The following RAI14 variants were observed in gnomAD, a reference collection of about 807,000 sequenced individuals.
The protein encoded by RAI14 is ankycorbin.
Under a neutral mutation model 115.4 loss-of-function variants are expected in RAI14, and 45 were observed. That is an observed-to-expected ratio of 0.39 (90% CI 0.31 to 0.50). The LOEUF (loss-of-function observed/expected upper bound fraction) is 0.50. Among genes scored for constraint, RAI14 ranks in the 20% least tolerant of loss-of-function variants. The pLI, the probability that RAI14 is intolerant of heterozygous loss-of-function variation, is 0.85. For synonymous variants in RAI14, 371 were observed against 415.4 expected, an observed-to-expected ratio of 0.89 and a Z score of 1.30; for missense variants, 939 against 1,131.2, an observed-to-expected ratio of 0.83 and a Z score of 2.44.
chr5:34,746,103 C>CCCTTTTTTTT (rs1561303365), intron 2 of RAI14, among the ~76,000 whole-genome samples: 1 of 108,990 alleles, frequency 9.2e-6, no homozygotes, highest in Non-Finnish European at 1.9e-5. Flanking sequence ...CCCCCCCCGC[C>CCCTTTTTTTT]TTTTTTTTTT....
intron 7 of RAI14, among the ~76,000 whole-genome samples, chr5:34,809,279 G>T (rs976576562): frequency 1.3e-5 from 2 of 152,142 alleles, no homozygotes; most frequent in African/African-American, 4.8e-5. Flanking sequence ...GGAAACAAAA[G>T]ACATCATTCT....
intron 2 of RAI14, among the ~76,000 whole-genome samples, chr5:34,756,643 T>C (rs78181535): frequency 0.13 from 20,128 of 152,148 alleles, 1,369 homozygotes; most frequent in South Asian, 0.17. Flanking sequence ...GTTCTATAAT[T>C]CTCTCCCTCC....
chr5:34,796,028 G>A lies in RAI14; in HGVS notation c.256+1G>A. On this transcript the variant is annotated splice_donor_variant, in intron 4 of 17. Coordinates refer to ENST00000265109, the MANE Select transcript of RAI14 (RefSeq NM_015577.3). LOFTEE classifies it high-confidence loss of function. ...GATGTGACAGCCCAAGATACTACCG[G>A]TATGTGGTTTTTAGTCTCTTAAGTC... 1 of 1,604,940 alleles carries A rather than the reference G, an allele frequency of 6.2e-7. No homozygotes were observed. Among genetic ancestry groups the A allele is most frequent in the Non-Finnish European group, 8.5e-7 (1 of 1,172,274 alleles).
intron 2 of RAI14, among the ~76,000 whole-genome samples, chr5:34,756,941 A>T (rs1353292550): frequency 2.0e-5 from 3 of 152,226 alleles, no homozygotes; most frequent in African/African-American, 7.2e-5. Context: ...AGCCTGGACA[A>T]CTACTTAAAA....
At chr5:34,787,962 A>G (rs1461552990) in intron 3 of RAI14, among the ~76,000 whole-genome samples, 30 of 113,502 alleles carry the variant, frequency 2.6e-4, no homozygotes, top group Admixed American at 1.3e-4. Context: ...CACCCAGGCT[A>G]GAGTGCAGTG....
intron 4 of RAI14, among the ~76,000 whole-genome samples, chr5:34,800,241 A>T (rs1368928117): frequency 6.6e-6 from 1 of 152,204 alleles, no homozygotes; most frequent in African/African-American, 2.4e-5. Flanking sequence ...CTGTGGCCAG[A>T]GCAGTTGGGC....
chr5:34,765,625 A>G (rs1373521816), intron 3 of RAI14, among the ~76,000 whole-genome samples: 3 of 152,244 alleles, frequency 2.0e-5, no homozygotes, highest in African/African-American at 4.8e-5. Flanking sequence ...AAAGGCATTC[A>G]GTTTTATAAG....
intron 3 of RAI14, among the ~76,000 whole-genome samples, chr5:34,787,062 C>T (rs1040535822): frequency 3.3e-5 from 5 of 152,324 alleles, no homozygotes; most frequent in Admixed American, 6.5e-5. Context: ...CGTCTTTAAG[C>T]GGTTTTCCGC....
chr5:34,694,267 A>G (rs1416637679), intron 2 of RAI14, among the ~76,000 whole-genome samples: 1 of 152,180 alleles, frequency 6.6e-6, no homozygotes, highest in Non-Finnish European at 1.5e-5. Flanking sequence ...TTTTAGTTTG[A>G]CAAATTCTTC....
chr5:34,828,127 A>AAGT (rs535158297), intron 16 of RAI14, among the ~76,000 whole-genome samples: 30 of 152,168 alleles, frequency 2.0e-4, no homozygotes, highest in Non-Finnish European at 3.8e-4. Context: ...AGAAGTAAGT[A>AAGT]AGTAGATAGG....
chr5:34,736,355 G>A (rs549157557), intron 2 of RAI14, among the ~76,000 whole-genome samples: 45 of 152,218 alleles, frequency 3.0e-4, no homozygotes, highest in Middle Eastern at 3.4e-3. Flanking sequence ...AGCCGAGATC[G>A]CTCCACCAGG....
At chr5:34,812,094 G>A in intron 9 of RAI14, 86 bp from the exon 10 acceptor site, 3 of 1,317,404 alleles carry the variant, frequency 2.3e-6, no homozygotes, top group African/African-American at 3.0e-5. Context: ...TATTGTATAT[G>A]GTGTATGTGT....
intron 1 of RAI14, among the ~76,000 whole-genome samples, chr5:34,684,138 C>A (rs145051529): frequency 6.6e-6 from 1 of 152,284 alleles, no homozygotes; most frequent in East Asian, 1.9e-4. Context: ...ACTTTGATTC[C>A]TCAAAAGGTG....
At chr5:34,720,166 A>T (rs889982783) in intron 2 of RAI14, among the ~76,000 whole-genome samples, 3 of 152,186 alleles carry the variant, frequency 2.0e-5, no homozygotes, top group African/African-American at 7.2e-5. Flanking sequence ...AGTGAGATAT[A>T]CTTAAAGCTA....
intron 2 of RAI14, among the ~76,000 whole-genome samples, chr5:34,727,937 A>G (rs1017978037): frequency 3.9e-5 from 6 of 152,256 alleles, no homozygotes; most frequent in African/African-American, 1.4e-4. Flanking sequence ...GAAGAAGGCC[A>G]CTGTCCTACA....
intron 17 of RAI14, 81 bp downstream of exon 17, chr5:34,829,878 T>A: frequency 8.6e-7 from 1 of 1,158,250 alleles, no homozygotes; most frequent in Non-Finnish European, 1.3e-6. Context: ...ATCATTTAAC[T>A]AGGAGAATGA....
intron 4 of RAI14, among the ~76,000 whole-genome samples, chr5:34,802,238 T>C (rs1388988282): frequency 6.6e-6 from 1 of 152,106 alleles, no homozygotes; most frequent in Non-Finnish European, 1.5e-5. Context: ...ACAGCAATTA[T>C]CCAGCTTATA....
At chr5:34,746,144 C>T (rs376459931) in intron 2 of RAI14, among the ~76,000 whole-genome samples, 1 of 124,876 alleles carries the variant, frequency 8.0e-6, no homozygotes, top group Non-Finnish European at 1.6e-5. Flanking sequence ...CTCGCTCTGT[C>T]GCCCAGGCTG....
At chr5:34,822,272 AT>A (rs1756937049) in intron 14 of RAI14, among the ~76,000 whole-genome samples, 3 of 146,880 alleles carry the variant, frequency 2.0e-5, no homozygotes, top group East Asian at 2.0e-4. Context: ...ATATATATAT[AT>A]AAAATATTAT....
Sources: allele counts gnomAD v4.1 joint callset (sites outside exome capture counted in the v4.1 genomes callset), GRCh38; gene constraint gnomAD v4.1.1; transcripts MANE v1.5; gene names NCBI Gene and HGNC (gene_info 2026-07-23, HGNC 2026-07-21).